Variants in CLASP1 observed in about 807,000 individuals in gnomAD.
CLASP1 encodes the protein CLIP-associating protein 1.
CLASP1 carries 38 observed loss-of-function variants against 192.3 expected under a neutral mutation model. That is an observed-to-expected ratio of 0.20 (90% CI 0.15 to 0.26). The LOEUF is 0.26. Ranked by LOEUF, CLASP1 falls within the 10% of genes least tolerant of loss-of-function variation. The pLI, the probability that CLASP1 is intolerant of heterozygous loss-of-function variation, is 1.00. For missense variants in CLASP1, 1,433 were observed against 1,932.5 expected, an observed-to-expected ratio of 0.74 and a Z score of 4.85; for synonymous variants, 691 against 712.8, an observed-to-expected ratio of 0.97 and a Z score of 0.49.
At chr2:121,337,904 A>AG (rs1410817798) in exon 40 of CLASP1, 1 of 152,240 alleles carries the variant, frequency 6.6e-6, no homozygotes, top group Non-Finnish European at 1.5e-5. Context: ...AAGTGAAACA[A>AG]ATAAGATATA....
At chr2:121,454,237 G>A (rs547732282) in intron 14 of CLASP1, among the ~76,000 whole-genome samples, 2 of 151,948 alleles carry the variant, frequency 1.3e-5, no homozygotes, top group African/African-American at 4.8e-5. Context: ...AAGTGACAAG[G>A]TTTAGATTAG....
intron 30 of CLASP1, among the ~76,000 whole-genome samples, chr2:121,392,124 C>T (rs1167445215): frequency 6.6e-6 from 1 of 152,170 alleles, no homozygotes; most frequent in Non-Finnish European, 1.5e-5. Context: ...GTTTCTTCGC[C>T]ACGCCTTTTT....
intron 6 of CLASP1, among the ~76,000 whole-genome samples, chr2:121,525,455 C>G (rs760026400): frequency 7.2e-5 from 11 of 152,126 alleles, no homozygotes; most frequent in Non-Finnish European, 1.5e-4. Context: ...TCCCCTCAGA[C>G]CCTCTTTCAA....
intron 1 of CLASP1, among the ~76,000 whole-genome samples, chr2:121,614,529 AGT>A (rs1189288419): frequency 6.6e-6 from 1 of 152,100 alleles, no homozygotes; most frequent in Non-Finnish European, 1.5e-5. Context: ...CAAAAACAAA[AGT>A]GTGAGGAAAT....
chr2:121,646,486 C>T (rs574216577), intron 1 of CLASP1, among the ~76,000 whole-genome samples: 6 of 152,308 alleles, frequency 3.9e-5, no homozygotes, highest in African/African-American at 1.2e-4. Context: ...ACTATTTCCA[C>T]TATTTGACAG....
chr2:121,630,380 A>AG (rs1559818595), intron 1 of CLASP1, among the ~76,000 whole-genome samples: 4 of 112,100 alleles, frequency 3.6e-5, no homozygotes, highest in Non-Finnish European at 5.4e-5. Flanking sequence ...TATTGGAAAG[A>AG]AACACACACA....
intron 37 of CLASP1, among the ~76,000 whole-genome samples, chr2:121,354,000 C>T (rs2064969011): frequency 6.6e-6 from 1 of 152,010 alleles, no homozygotes; most frequent in Admixed American, 6.6e-5. Flanking sequence ...GCTATGTTAC[C>T]CAAACTGGTT....
At chr2:121,479,690 T>C (rs2092425574) in intron 8 of CLASP1, among the ~76,000 whole-genome samples, 1 of 152,136 alleles carries the variant, frequency 6.6e-6, no homozygotes, top group African/African-American at 2.4e-5. Flanking sequence ...TCCATCAAAG[T>C]ATGGGAACTG....
intron 34 of CLASP1, among the ~76,000 whole-genome samples, chr2:121,368,660 T>C (rs1353418990): frequency 6.6e-6 from 1 of 152,068 alleles, no homozygotes; most frequent in Non-Finnish European, 1.5e-5. Context: ...GGACAGACTG[T>C]TTTCCTCATC....
chr2:121,455,512 T>C (rs1197673846), intron 14 of CLASP1, among the ~76,000 whole-genome samples: 2 of 152,138 alleles, frequency 1.3e-5, no homozygotes, highest in Admixed American at 1.3e-4. Context: ...ACAACACAGA[T>C]AAACCTGGAA....
chr2:121,525,830 T>C lies in CLASP1; in HGVS notation c.546+15A>G, dbSNP rs766974592. ...TAAGCAATGACTTCTCCCGAGGGTT[T>C]TCCTTCTCACTCACCTGGCTGTTTG... On this transcript the variant is annotated intron_variant, in intron 6 of 39. Coordinates refer to ENST00000263710, the Ensembl canonical transcript of CLASP1. 26 of 1,598,652 alleles carry C rather than the reference T, an allele frequency of 1.6e-5. No individual in the cohort carries two copies. In the South Asian group the frequency reaches 2.9e-4, roughly 18 times the overall value.
At chr2:121,504,279 G>A (rs2093868284) in intron 7 of CLASP1, among the ~76,000 whole-genome samples, 1 of 151,886 alleles carries the variant, frequency 6.6e-6, no homozygotes, top group Admixed American at 6.6e-5. Context: ...CAGGTATACT[G>A]GAGTAAGTGT....
chr2:121,418,709 G>A lies in CLASP1; in HGVS notation c.2233C>T (p.Arg745Ter), dbSNP rs775369004. 7 of 1,613,320 alleles carry A rather than the reference G, an allele frequency of 4.3e-6. No homozygotes were observed. The highest frequency in any genetic ancestry group is 4.2e-6 in the Non-Finnish European group (5 of 1,179,476). Residue 745 changes from arginine (R) to a stop codon, truncating the protein, a stop_gained, in exon 23 of 40, where the codon CGA becomes TGA. Coordinates refer to ENST00000263710, the Ensembl canonical transcript of CLASP1. LOFTEE classifies it high-confidence loss of function. ...CTGCACCCCTGACTCATGCTGGGTC[G>A]AGGGATACGGCTGCTCCGTGCTAGC...
chr2:121,368,295 A>G lies in CLASP1; in HGVS notation c.3643-464T>C, dbSNP rs770942982. 7.9e-5 allele frequency among the ~76,000 whole-genome samples: 12 copies of G among 152,060 alleles called. 1 individual carries two copies. Among genetic ancestry groups the G allele is most frequent in the Middle Eastern group, 6.3e-3 (2 of 316 alleles). ...CATCCCCAGATTAATTCCTTGTACT[A>G]TATGTATTCCTGCCTAGTGCTGGGC... On this transcript the variant is annotated intron_variant, in intron 34 of 39. Coordinates refer to ENST00000263710, the Ensembl canonical transcript of CLASP1.
intron 2 of CLASP1, among the ~76,000 whole-genome samples, chr2:121,591,360 A>C (rs549244411): frequency 3.9e-4 from 59 of 152,226 alleles, no homozygotes; most frequent in African/African-American, 1.4e-3. Flanking sequence ...AAAAACCACT[A>C]GGTTGTCCTC....
chr2:121,432,595 G>A (rs1328860265), intron 19 of CLASP1, among the ~76,000 whole-genome samples: 1 of 152,076 alleles, frequency 6.6e-6, no homozygotes, highest in Non-Finnish European at 1.5e-5. Context: ...TATAATATTG[G>A]TCTTCTCATT....
Position 121,407,913 on chromosome 2 carries a change from T to A in CLASP1, c.2425-198A>T. On this transcript the variant is annotated intron_variant, in intron 24 of 39. Transcript: ENST00000263710. The stretch of plus-strand genomic sequence containing the variant: ...TCCATTAGGTAAATAAGCAAAGCAC[T>A]CTGTAGTAGAAGGGAAAGAGTATGG... 7 of 737,720 alleles carry A rather than the reference T, an allele frequency of 9.5e-6. No homozygotes were observed. In the South Asian group the frequency reaches 9.7e-5, roughly 10 times the overall value. 45.7% of individuals were successfully genotyped at this position (737,720 alleles called of 1,614,324 possible).
intron 37 of CLASP1, among the ~76,000 whole-genome samples, chr2:121,349,760 G>A (rs1450849070): frequency 6.6e-6 from 1 of 152,166 alleles, no homozygotes; most frequent in African/African-American, 2.4e-5. Flanking sequence ...ATGGTCAAAG[G>A]AGCAGCCTCT....
At chr2:121,490,406 C>T in intron 8 of CLASP1, 1 of 340,684 alleles carries the variant, frequency 2.9e-6, no homozygotes, top group East Asian at 1.0e-4. Flanking sequence ...TCCGGCAGCA[C>T]CAATGACAAC....
Sources: allele counts gnomAD v4.1 joint callset (sites outside exome capture counted in the v4.1 genomes callset), GRCh38; gene constraint gnomAD v4.1.1; transcripts MANE v1.5; gene names NCBI Gene and HGNC (gene_info 2026-07-23, HGNC 2026-07-21).